B4GALNT3: variants seen among roughly 807,000 people sequenced by gnomAD.
B4GALNT3 encodes the protein beta-1,4-N-acetylgalactosaminyltransferase 3.
A neutral mutation model predicts 120.2 loss-of-function variants in B4GALNT3; 86 were observed. That is an observed-to-expected ratio of 0.72 (90% confidence interval 0.60 to 0.86). The LOEUF is 0.86. B4GALNT3 is among the 40% of genes least tolerant of loss of function. The pLI is 0.00. For missense variants in B4GALNT3, 1,167 were observed against 1,298.9 expected (o/e 0.90, Z 1.56); for synonymous variants, 518 against 510.4 (o/e 1.01, Z -0.20).
chr12:479,215 T>A (rs570476113), intron 1 of B4GALNT3, among the ~76,000 whole-genome samples: 83 of 148,994 alleles, frequency 5.6e-4, no homozygotes, highest in African/African-American at 1.9e-3. Flanking sequence ...GCTTTTTTTT[T>A]ATTATTATTT....
intron 1 of B4GALNT3, among the ~76,000 whole-genome samples, chr12:508,182 C>G (rs1438683592): frequency 6.6e-6 from 1 of 152,236 alleles, no homozygotes; most frequent in Non-Finnish European, 1.5e-5. Context: ...AGGGGGACAT[C>G]CAATTCATAT....
intron 1 of B4GALNT3, among the ~76,000 whole-genome samples, chr12:509,527 A>G (rs1946526899): frequency 6.6e-6 from 1 of 152,216 alleles, no homozygotes; most frequent in East Asian, 1.9e-4. Flanking sequence ...TCCCCAGTGC[A>G]GATTTCATTG....
intron 9 of B4GALNT3, 92 bp from the exon 10 acceptor site, chr12:549,677 C>T (rs1259995194): frequency 1.9e-5 from 28 of 1,512,766 alleles, no homozygotes; most frequent in Admixed American, 1.0e-4. Flanking sequence ...AGTCAGGAGC[C>T]CCTTCTGCGT....
chr12:518,147 G>T (rs1946674185), intron 1 of B4GALNT3, among the ~76,000 whole-genome samples: 2 of 152,158 alleles, frequency 1.3e-5, no homozygotes, highest in Non-Finnish European at 2.9e-5. Flanking sequence ...AAACAACTGG[G>T]CTTTAAGATA....
rs200514267 is a variant in B4GALNT3, at chr12:556,840, G to A, written c.2354G>A (p.Arg785Gln). Residue 785 changes from arginine to glutamine, a missense_variant, in exon 15 of 20, where the codon CGA becomes CAA. Around this residue, in one of 3 missense-constraint regions of B4GALNT3, gnomAD observed 983 missense variants for 1,102.5 expected, o/e 0.89. Coordinates refer to ENST00000266383, the MANE Select transcript of B4GALNT3 (RefSeq NM_173593.4). Reference sequence around the variant, plus strand: ...CCTCAGGGTTTCTCCTGGAGTCACCGAGCCGTGGTCCACTTCGTCGTGCCT... The same window carrying A: ...CCTCAGGGTTTCTCCTGGAGTCACCAAGCCGTGGTCCACTTCGTCGTGCCT... ...CWPQGFSWSH[R>Q]AVVHFVVPVK... 2.6e-5 allele frequency: 41 copies of A among 1,607,272 alleles called. No individual in the cohort carries two copies. Among genetic ancestry groups the A allele is most frequent in the East Asian group, 4.5e-5 (2 of 44,652 alleles).
intron 1 of B4GALNT3, among the ~76,000 whole-genome samples, chr12:520,809 A>G (rs969216741): frequency 6.6e-6 from 1 of 152,264 alleles, no homozygotes; most frequent in Non-Finnish European, 1.5e-5. Flanking sequence ...ATATACATAT[A>G]TGAATTGGAG....
chr12:477,589 G>T (rs945167681), intron 1 of B4GALNT3, among the ~76,000 whole-genome samples: 2 of 152,190 alleles, frequency 1.3e-5, no homozygotes, highest in African/African-American at 4.8e-5. Context: ...CCATTCCAGT[G>T]TACAGCTTCT....
At chr12:531,130 G>T (rs1946803036) in intron 1 of B4GALNT3, among the ~76,000 whole-genome samples, 1 of 152,144 alleles carries the variant, frequency 6.6e-6, no homozygotes, top group African/African-American at 2.4e-5. Context: ...GCAATGCCTG[G>T]TTATTCACTG....
At chr12:487,713 G>GA (rs1555152272) in intron 1 of B4GALNT3, among the ~76,000 whole-genome samples, 40,190 of 106,214 alleles carry the variant, frequency 0.38, 7,241 homozygotes, top group African/African-American at 0.52. Flanking sequence ...ACTCTATCTT[G>GA]AAAAAAAAAA....
At chr12:501,838 T>C (rs1338747316) in intron 1 of B4GALNT3, among the ~76,000 whole-genome samples, 1 of 152,210 alleles carries the variant, frequency 6.6e-6, no homozygotes, top group Non-Finnish European at 1.5e-5. Flanking sequence ...AACCATGCTG[T>C]TCTCTTGTCG....
At chr12:506,848 G>T (rs909023848) in intron 1 of B4GALNT3, among the ~76,000 whole-genome samples, 2 of 152,194 alleles carry the variant, frequency 1.3e-5, no homozygotes, top group Admixed American at 6.5e-5. Context: ...GTGTTAGCCA[G>T]GATGGTCTCG....
rs1262802635 is a variant in B4GALNT3, at chr12:480,430, G to GGC, written c.169+19886_169+19887insCG. Among the ~76,000 whole-genome samples, 166 of 149,894 alleles carry GGC rather than the reference G, an allele frequency of 1.1e-3. 1 individual carries two copies. Among genetic ancestry groups the GGC allele is most frequent in the East Asian group, 3.8e-3 (19 of 5,008 alleles). On this transcript the variant is annotated intron_variant, in intron 1 of 19. Coordinates refer to ENST00000266383, the MANE Select transcript of B4GALNT3 (RefSeq NM_173593.4). ...TTTCCGTAAACACGGAAGGCTTGAC[G>GGC]GTGTGGTTCCTGAGGTCCCTCTGAC...
chr12:553,133 A>C (rs1947103799), intron 13 of B4GALNT3, 61 bp from the exon 14 acceptor site: 1 of 1,581,592 alleles, frequency 6.3e-7, no homozygotes, highest in African/African-American at 1.3e-5. Flanking sequence ...TCTGTCTTGT[A>C]TGTCTTGTTT....
intron 14 of B4GALNT3, among the ~76,000 whole-genome samples, chr12:555,990 A>C (rs1011105486): frequency 2.6e-5 from 4 of 151,658 alleles, no homozygotes; most frequent in African/African-American, 9.7e-5. Flanking sequence ...TCACCATATT[A>C]GCCAGGCTGG....
chr12:553,108 C>G, intron 13 of B4GALNT3, 86 bp from the exon 14 acceptor site: 2 of 1,545,428 alleles, frequency 1.3e-6, no homozygotes, highest in East Asian at 4.5e-5. Flanking sequence ...TGGTGCGTCA[C>G]ACGTATGATC....
At position 536,207 on chromosome 12, in the gene B4GALNT3, T is replaced by C. The variant is rs1264951359; in HGVS notation, c.274-11T>C. 6.2e-7 allele frequency: 1 copy of C among 1,612,002 alleles called. No homozygotes were observed. Among genetic ancestry groups the C allele is most frequent in the Non-Finnish European group, 8.5e-7 (1 of 1,178,080 alleles). On this transcript the variant is annotated splice_polypyrimidine_tract_variant and intron_variant, in intron 2 of 19. Coordinates refer to ENST00000266383, the MANE Select transcript of B4GALNT3 (RefSeq NM_173593.4). ...TATTCCTACCAACTTCGTTCTTCAT[T>C]CTTCCCCTAGGACCACGACATTGAC...
At chr12:561,239 C>T in intron 19 of B4GALNT3, 104 bp from the exon 20 acceptor site, 1 of 826,058 alleles carries the variant, frequency 1.2e-6, no homozygotes. Context: ...CACCTGCCTT[C>T]CCTGCCCCGT....
chr12:533,520 T>G (rs1458374314), intron 1 of B4GALNT3, among the ~76,000 whole-genome samples: 1 of 152,224 alleles, frequency 6.6e-6, no homozygotes, highest in Non-Finnish European at 1.5e-5. Context: ...CTGAGGCCTC[T>G]GCGCCGGCAC....
intron 1 of B4GALNT3, among the ~76,000 whole-genome samples, chr12:503,756 AACAGC>A (rs1946466255): frequency 1.5e-5 from 1 of 68,826 alleles, no homozygotes; most frequent in South Asian, 3.2e-4. Context: ...CTGATCTCTG[AACAGC>A]TGCCTCCCAT....
Sources: allele counts gnomAD v4.1 joint callset (sites outside exome capture counted in the v4.1 genomes callset), GRCh38; gene constraint gnomAD v4.1.1; regional missense constraint gnomAD v4.1.1; transcripts MANE v1.5; gene names NCBI Gene and HGNC (gene_info 2026-07-23, HGNC 2026-07-21).